LTBP1: variants seen among roughly 807,000 people sequenced by gnomAD.
The protein encoded by LTBP1 is latent-transforming growth factor beta-binding protein 1.
A neutral mutation model predicts 207.6 loss-of-function variants in LTBP1; 129 were observed. The ratio of observed to expected loss-of-function variants is 0.62; its 90% CI spans 0.54 to 0.72. LTBP1 has a LOEUF of 0.72. LTBP1 is among the 30% of genes least tolerant of loss of function. The probability of loss-of-function intolerance (pLI) is 0.00; values close to 1 mark genes in which losing one functional copy is unlikely to be tolerated. For synonymous variants in LTBP1, 963 were observed against 833.7 expected (o/e 1.16, Z -2.67); for missense variants, 2,281 against 2,217.2 (o/e 1.03, Z -0.58).
intron 20 of LTBP1, among the ~76,000 whole-genome samples, chr2:33,294,077 C>T (rs1442104101): frequency 7.8e-6 from 1 of 127,652 alleles, no homozygotes; most frequent in African/African-American, 3.0e-5. Context: ...ATGATCTTGG[C>T]TCATTGCAAC....
chr2:33,162,865 C>G (rs1208505612), intron 5 of LTBP1, among the ~76,000 whole-genome samples: 2 of 152,136 alleles, frequency 1.3e-5, no homozygotes, highest in African/African-American at 4.8e-5. Context: ...TCATTAAACC[C>G]AAGGCCAGCA....
chr2:33,286,346 G>C (rs1179172689), intron 19 of LTBP1, among the ~76,000 whole-genome samples: 1 of 152,148 alleles, frequency 6.6e-6, no homozygotes, highest in African/African-American at 2.4e-5. Context: ...GAATAAACTT[G>C]GACAGAAAAC....
intron 3 of LTBP1, among the ~76,000 whole-genome samples, chr2:33,085,968 C>T (rs2078731493): frequency 6.6e-6 from 1 of 152,176 alleles, no homozygotes. Flanking sequence ...TGAAATAGCA[C>T]CATGCAGATG....
chr2:33,297,266 A>G (rs1352469097), intron 20 of LTBP1, among the ~76,000 whole-genome samples: 2 of 152,164 alleles, frequency 1.3e-5, no homozygotes, highest in East Asian at 3.9e-4. Context: ...TTCTTCCCAC[A>G]TGATCTCTGT....
chr2:32,957,441 A>T (rs1678263680), intron 2 of LTBP1, among the ~76,000 whole-genome samples: 1 of 152,186 alleles, frequency 6.6e-6, no homozygotes, highest in African/African-American at 2.4e-5. Context: ...GTCTCAGGTA[A>T]TAGGGAAGCC....
intron 24 of LTBP1, among the ~76,000 whole-genome samples, chr2:33,336,182 T>C (rs1158499587): frequency 1.3e-5 from 2 of 152,238 alleles, no homozygotes; most frequent in African/African-American, 4.8e-5. Flanking sequence ...CAGTAGGTGA[T>C]GAGTCAAAGA....
chr2:33,310,109 G>A (rs1021188210), intron 23 of LTBP1, among the ~76,000 whole-genome samples: 13 of 151,780 alleles, frequency 8.6e-5, no homozygotes, highest in East Asian at 1.9e-4. Flanking sequence ...CACCACACCC[G>A]GCAAATTTTT....
rs188966703 is a variant in LTBP1, at chr2:33,185,516, G to C, written c.1202-1340G>C. The stretch of plus-strand genomic sequence containing the variant: ...ATGATAGGATGAAATCATAGAGAAA[G>C]AGTGTGTAGAGTCAGTGAAGAAGAC... On this transcript the variant is annotated intron_variant, in intron 5 of 33. Coordinates refer to ENST00000404816, the MANE Select transcript of LTBP1 (RefSeq NM_206943.4). 3.5e-4 allele frequency among the ~76,000 whole-genome samples: 53 copies of C among 152,316 alleles called. No individual in the cohort carries two copies. The East Asian group carries it at 9.8e-3, about 28-fold the overall frequency.
chr2:33,041,312 T>C (rs541456606), intron 3 of LTBP1, among the ~76,000 whole-genome samples: 1 of 152,068 alleles, frequency 6.6e-6, no homozygotes, highest in East Asian at 1.9e-4. Context: ...TGAGACGGAG[T>C]CTCGCTGTGT....
At chr2:33,384,390 G>A (rs2095247824) in intron 31 of LTBP1, among the ~76,000 whole-genome samples, 1 of 152,170 alleles carries the variant, frequency 6.6e-6, no homozygotes, top group South Asian at 2.1e-4. Context: ...CATGGGGAAT[G>A]CAGTGGGTCG....
At chr2:33,328,860 A>G (rs2094461505) in intron 24 of LTBP1, among the ~76,000 whole-genome samples, 1 of 152,180 alleles carries the variant, frequency 6.6e-6, no homozygotes, top group South Asian at 2.1e-4. Flanking sequence ...CATGTGTAGT[A>G]GTCCATTTAT....
chr2:33,196,716 C>G (rs79176072), intron 7 of LTBP1, among the ~76,000 whole-genome samples: 2,802 of 152,232 alleles, frequency 0.018, 52 homozygotes, highest in Middle Eastern at 0.054. Context: ...TGACCCTTAG[C>G]AGGGAGGATT....
At position 33,353,693 on chromosome 2, in the gene LTBP1, T is replaced by C. The variant is rs143167425; in HGVS notation, c.4000+6183T>C. ...TCCGTGTAGGAAGTGCTGCTTCAGA[T>C]TGCTTGAGTTAAATTAGAAGAGGTT... On this transcript the variant is annotated intron_variant, in intron 26 of 33. Transcript: ENST00000404816. Among the ~76,000 whole-genome samples, 504 of 152,262 alleles carry C rather than the reference T, an allele frequency of 3.3e-3. 4 individuals carry two copies. Among genetic ancestry groups the C allele is most frequent in the African/African-American group, 0.012 (487 of 41,558 alleles).
At chr2:33,170,458 G>A (rs1006366912) in intron 5 of LTBP1, among the ~76,000 whole-genome samples, 32 of 152,236 alleles carry the variant, frequency 2.1e-4, no homozygotes, top group African/African-American at 7.5e-4. Context: ...GGGGAGGGGC[G>A]CCCGCCATTG....
chr2:33,356,663 A>C (rs1041194447), intron 26 of LTBP1, among the ~76,000 whole-genome samples: 1 of 152,182 alleles, frequency 6.6e-6, no homozygotes, highest in African/African-American at 2.4e-5. Flanking sequence ...ACAAAAAACA[A>C]AAAACCACAT....
chr2:33,093,902 C>T lies in LTBP1; in HGVS notation c.864-16680C>T, dbSNP rs183342156. Among the ~76,000 whole-genome samples, 133 of 152,166 alleles carry T rather than the reference C, an allele frequency of 8.7e-4. 1 individual carries two copies. Among genetic ancestry groups the T allele is most frequent in the African/African-American group, 2.9e-3 (121 of 41,528 alleles). The stretch of plus-strand genomic sequence containing the variant: ...ATATATTTTAGAAATGTGGACATAA[C>T]TAGTTCTTTTTATTTTCTTTTTAAC... On this transcript the variant is annotated intron_variant, in intron 3 of 33. Transcript: ENST00000404816.
chr2:33,153,591 C>T (rs890313541), intron 5 of LTBP1, among the ~76,000 whole-genome samples: 2 of 152,244 alleles, frequency 1.3e-5, no homozygotes, highest in East Asian at 3.9e-4. Context: ...TCTAAATTGC[C>T]TCACTGTGGG....
chr2:33,183,699 G>A (rs991039533), intron 5 of LTBP1, among the ~76,000 whole-genome samples: 10 of 152,144 alleles, frequency 6.6e-5, no homozygotes, highest in Admixed American at 2.0e-4. Context: ...AGCTCCCTTT[G>A]CTTTACCCAT....
intron 5 of LTBP1, among the ~76,000 whole-genome samples, chr2:33,147,320 G>T (rs778517741): frequency 2.0e-5 from 3 of 152,154 alleles, no homozygotes; most frequent in Non-Finnish European, 2.9e-5. Context: ...AATGTCCGTA[G>T]GAGTCATTAT....
Sources: allele counts gnomAD v4.1 joint callset (sites outside exome capture counted in the v4.1 genomes callset), GRCh38; gene constraint gnomAD v4.1.1; transcripts MANE v1.5; gene names NCBI Gene and HGNC (gene_info 2026-07-23, HGNC 2026-07-21).